UTRN: variants seen among roughly 807,000 people sequenced by gnomAD.
UTRN encodes utrophin, also known as dystrophin-related protein 1.
A neutral mutation model predicts 463.9 loss-of-function variants in UTRN; 283 were observed. The ratio of observed to expected loss-of-function variants is 0.61; its 90% CI spans 0.55 to 0.67. UTRN has a LOEUF of 0.67. Ranked by LOEUF, UTRN falls within the 30% of genes least tolerant of loss-of-function variation. The pLI is 0.00. For missense variants in UTRN, 3,922 were observed against 4,084.3 expected, an observed-to-expected ratio of 0.96 and a Z score of 1.08; for synonymous variants, 1,442 against 1,431.5, an observed-to-expected ratio of 1.01 and a Z score of -0.17.
Position 144,493,202 on chromosome 6 carries a change from C to G in UTRN, c.4438-99C>G, listed in dbSNP as rs1051686059. ...TGGCCTTTGATCACCATAGTTAGGT[C>G]TTGGCTGTCAATCTGTGTAAGCTGT... On this transcript the variant is annotated intron_variant, in intron 32 of 74. Transcript: ENST00000367545. 18 of 1,194,816 alleles carry G rather than the reference C, an allele frequency of 1.5e-5. No individual in the cohort carries two copies. The African/African-American group carries it at 2.7e-4, about 18-fold the overall frequency. 74.0% of individuals were successfully genotyped at this position (1,194,816 alleles called of 1,614,324 possible). A position where few individuals can be genotyped will look rare whatever the true frequency, so the allele number is the denominator to read the frequency against.
At chr6:144,487,423 C>A in intron 28 of UTRN, 125 bp from the exon 29 acceptor site, 3 of 958,366 alleles carry the variant, frequency 3.1e-6, no homozygotes, top group East Asian at 3.0e-5. Context: ...AACTTTTGGT[C>A]CTGTTACTTA....
At position 144,437,754 on chromosome 6, in the gene UTRN, G is replaced by A; in HGVS notation, c.1241+8G>A. ...TATGGACAGACAGTCCCGGTGAGTGGAAAGCCAAGAAATGCACTTAATTCC... is the reference window on the plus strand; with the variant it reads ...TATGGACAGACAGTCCCGGTGAGTGAAAAGCCAAGAAATGCACTTAATTCC... On this transcript the variant is annotated splice_region_variant and intron_variant, in intron 11 of 74. Transcript: ENST00000367545. 1 of 1,602,700 alleles carries A rather than the reference G, an allele frequency of 6.2e-7. No homozygotes were observed. The highest frequency in any genetic ancestry group is 8.5e-7 in the Non-Finnish European group (1 of 1,175,410).
chr6:144,483,492 G>C (rs1050108811), intron 27 of UTRN, among the ~76,000 whole-genome samples: 6 of 152,168 alleles, frequency 3.9e-5, no homozygotes, highest in African/African-American at 7.2e-5. Context: ...ACCTATGCTG[G>C]AGTGCAGTGG....
At chr6:144,726,270 G>A (rs769188647) in intron 53 of UTRN, among the ~76,000 whole-genome samples, 1 of 152,128 alleles carries the variant, frequency 6.6e-6, no homozygotes, top group African/African-American at 2.4e-5. Context: ...CCTGACCTCC[G>A]CCCACACCTT....
intron 66 of UTRN, among the ~76,000 whole-genome samples, chr6:144,824,618 T>C (rs1415331703): frequency 4.0e-4 from 36 of 90,724 alleles, no homozygotes; most frequent in African/African-American, 1.5e-3. Context: ...ATATATCTTT[T>C]TTTTTTTTTT....
chr6:144,446,186 T>C (rs1290171360), intron 14 of UTRN, among the ~76,000 whole-genome samples: 1 of 152,254 alleles, frequency 6.6e-6, no homozygotes, highest in Non-Finnish European at 1.5e-5. Context: ...AGTGCTAGTA[T>C]TTCAGTCACT....
chr6:144,442,656 A>G (rs1292484439), intron 13 of UTRN, among the ~76,000 whole-genome samples: 1 of 152,166 alleles, frequency 6.6e-6, no homozygotes, highest in Admixed American at 6.5e-5. Context: ...TTGTAAAACC[A>G]TCAGATCTCG....
chr6:144,421,159 G>A (rs555918030), intron 3 of UTRN, among the ~76,000 whole-genome samples: 37 of 152,024 alleles, frequency 2.4e-4, no homozygotes, highest in Non-Finnish European at 4.1e-4. Context: ...GGTGCCTACC[G>A]CCATGCCCGG....
At position 144,334,305 on chromosome 6, in the gene UTRN, G is replaced by C. The variant is rs1054851836; in HGVS notation, c.79+42398G>C. The stretch of plus-strand genomic sequence containing the variant: ...TTTCCTTTTCCTCCTCCCTCTTTCC[G>C]GTGTGTGTTTGGGGGGGGTGGGGGT... On this transcript the variant is annotated intron_variant, in intron 2 of 74. Transcript: ENST00000367545. 4.1e-4 allele frequency among the ~76,000 whole-genome samples: 61 copies of C among 148,788 alleles called. No individual in the cohort carries two copies. In the Middle Eastern group the frequency reaches 0.014, roughly 33 times the overall value.
At chr6:144,287,303 A>C (rs1395538548) in intron 1 of UTRN, among the ~76,000 whole-genome samples, 2 of 152,068 alleles carry the variant, frequency 1.3e-5, no homozygotes, top group South Asian at 2.1e-4. Flanking sequence ...GTTTACCTAA[A>C]ATTTATTGGC....
At chr6:144,572,863 T>A (rs560417656) in intron 50 of UTRN, among the ~76,000 whole-genome samples, 2 of 152,340 alleles carry the variant, frequency 1.3e-5, no homozygotes, top group Non-Finnish European at 2.9e-5. Flanking sequence ...AACATACATG[T>A]GCATGTGTCT....
At chr6:144,764,838 A>C (rs1793099652) in intron 58 of UTRN, among the ~76,000 whole-genome samples, 1 of 152,228 alleles carries the variant, frequency 6.6e-6, no homozygotes, top group Non-Finnish European at 1.5e-5. Context: ...TTTTAATAAA[A>C]AGCTAAAAGC....
chr6:144,458,956 C>A lies in UTRN; in HGVS notation c.2471C>A (p.Thr824Asn), dbSNP rs778178730. The change falls in exon 20 of 75, where the codon ACT becomes AAT. Residue 824 changes from threonine (T) to asparagine (N), a missense_variant. Transcript: ENST00000367545. Reference protein sequence around the residue: ...IKTKEEWVKHTSISESSRQSL... With the variant: ...IKTKEEWVKHNSISESSRQSL... Reference sequence around the variant, plus strand: ...ACAAAGGAGGAGTGGGTAAAACACACTTCCATTTCTGAATCTTCCCGGCAG... The same window carrying A: ...ACAAAGGAGGAGTGGGTAAAACACAATTCCATTTCTGAATCTTCCCGGCAG... The A allele has an allele frequency of 1.9e-6, 3 of 1,612,830 alleles. No individual in the cohort carries two copies. The highest frequency in any genetic ancestry group is 2.5e-6 in the Non-Finnish European group (3 of 1,179,692).
chr6:144,759,553 G>A (rs1792409715), intron 58 of UTRN, among the ~76,000 whole-genome samples: 1 of 152,070 alleles, frequency 6.6e-6, no homozygotes, highest in East Asian at 1.9e-4. Context: ...ACAAAGCAAG[G>A]GAGAATTAAG....
At chr6:144,640,454 T>C (rs1777651897) in intron 51 of UTRN, among the ~76,000 whole-genome samples, 1 of 152,206 alleles carries the variant, frequency 6.6e-6, no homozygotes, top group Non-Finnish European at 1.5e-5. Flanking sequence ...TACGTCTTCC[T>C]AAACTGATAT....
At chr6:144,600,401 G>A (rs1804122659) in intron 51 of UTRN, among the ~76,000 whole-genome samples, 1 of 152,252 alleles carries the variant, frequency 6.6e-6, no homozygotes, top group Non-Finnish European at 1.5e-5. Flanking sequence ...CATTTAAAGT[G>A]CTACTCCAGT....
At chr6:144,571,934 A>T (rs1488545569) in intron 50 of UTRN, among the ~76,000 whole-genome samples, 1 of 152,154 alleles carries the variant, frequency 6.6e-6, no homozygotes, top group Non-Finnish European at 1.5e-5. Context: ...CACAGCCATC[A>T]TGCTGGGTAT....
chr6:144,433,438 C>T (rs531010238), intron 9 of UTRN, among the ~76,000 whole-genome samples: 97 of 147,202 alleles, frequency 6.6e-4, no homozygotes, highest in African/African-American at 2.1e-3. Context: ...GGGTGGCTGC[C>T]GGGCGGAGGG....
At position 144,448,833 on chromosome 6, in the gene UTRN, C is replaced by T. The variant is rs187386070; in HGVS notation, c.2072+64C>T. 68 of 1,543,898 alleles carry T rather than the reference C, an allele frequency of 4.4e-5. 1 individual carries two copies. The Admixed American group carries it at 1.0e-3, about 23-fold the overall frequency. On this transcript the variant is annotated intron_variant, in intron 17 of 74. Coordinates refer to ENST00000367545, the MANE Select transcript of UTRN (RefSeq NM_007124.3). Reference sequence around the variant, plus strand: ...CACATACTATATTTTCTACTTGGTGCCTATTTTGTACTAATCATTAATCAT... The same window carrying T: ...CACATACTATATTTTCTACTTGGTGTCTATTTTGTACTAATCATTAATCAT...
Sources: allele counts gnomAD v4.1 joint callset (sites outside exome capture counted in the v4.1 genomes callset), GRCh38; gene constraint gnomAD v4.1.1; transcripts MANE v1.5; gene names NCBI Gene and HGNC (gene_info 2026-07-23, HGNC 2026-07-21).